BUB1B: variants seen among roughly 807,000 people sequenced by gnomAD.
BUB1B encodes the protein BUB1 mitotic checkpoint serine/threonine kinase B.
Under a neutral mutation model 137.7 loss-of-function variants are expected in BUB1B, and 86 were observed. The observed-to-expected ratio is 0.62, with a 90% CI of 0.52 to 0.75. The LOEUF is 0.75. BUB1B is among the 30% of genes least tolerant of loss of function. BUB1B has a pLI of 0.00. For synonymous variants in BUB1B, 420 were observed against 417.9 expected, an observed-to-expected ratio of 1.00 and a Z score of -0.06; for missense variants, 1,130 against 1,236.9, an observed-to-expected ratio of 0.91 and a Z score of 1.30.
rs2037670746 is a variant in BUB1B at position 40,208,782 on chromosome 15, A to G, written c.2143+12A>G. On this transcript the variant is annotated intron_variant, in intron 16 of 22. Transcript: ENST00000287598. ...TAATGAGACTTCAGGTAGGATATACATACCACTATATCCATGCCTAGTGAA... is the reference window on the plus strand; with the variant it reads ...TAATGAGACTTCAGGTAGGATATACGTACCACTATATCCATGCCTAGTGAA... The G allele has an allele frequency of 6.2e-7, 1 of 1,602,212 alleles. No individual in the cohort carries two copies. The highest frequency in any genetic ancestry group is 8.6e-7 in the Non-Finnish European group (1 of 1,169,510).
intron 4 of BUB1B, among the ~76,000 whole-genome samples, chr15:40,172,549 A>C (rs2037176314): frequency 6.6e-6 from 1 of 152,228 alleles, no homozygotes; most frequent in South Asian, 2.1e-4. Context: ...TTTAATAGTC[A>C]TTAAGTGGAT....
At chr15:40,174,295 C>T (rs1167000091) in intron 4 of BUB1B, among the ~76,000 whole-genome samples, 2 of 152,162 alleles carry the variant, frequency 1.3e-5, no homozygotes, top group Non-Finnish European at 1.5e-5. Context: ...TATGAGAAAA[C>T]ATCACTAATT....
At chr15:40,208,280 A>G (rs1021510100) in intron 15 of BUB1B, among the ~76,000 whole-genome samples, 1 of 152,094 alleles carries the variant, frequency 6.6e-6, no homozygotes, top group Non-Finnish European at 1.5e-5. Context: ...GCTCACGCCT[A>G]TAATCCCAGC....
intron 21 of BUB1B, 110 bp downstream of exon 21, chr15:40,217,777 G>T: frequency 3.0e-6 from 4 of 1,314,772 alleles, no homozygotes; most frequent in South Asian, 1.2e-5. Context: ...TAGAATAGAT[G>T]ACCTAGTTTT....
chr15:40,166,041 T>TG (rs1164496179), intron 2 of BUB1B, among the ~76,000 whole-genome samples: 1 of 152,114 alleles, frequency 6.6e-6, no homozygotes, highest in African/African-American at 2.4e-5. Context: ...TTAGTAGAGA[T>TG]GGGTCCTTGC....
chr15:40,165,220 A>G (rs369800297), intron 2 of BUB1B, 24 bp downstream of exon 2: 19 of 1,613,904 alleles, frequency 1.2e-5, no homozygotes, highest in African/African-American at 5.3e-5. Context: ...CTGAGTCTCA[A>G]CCTGTCGTCA....
intron 4 of BUB1B, chr15:40,174,000 G>T: frequency 2.4e-6 from 1 of 421,316 alleles, no homozygotes; most frequent in Non-Finnish European, 4.6e-6. Context: ...TTTTAGTTTG[G>T]CAATTTAAGG....
chr15:40,181,238 T>G (rs539534930), intron 5 of BUB1B, among the ~76,000 whole-genome samples: 150 of 152,098 alleles, frequency 9.9e-4, no homozygotes, highest in African/African-American at 3.5e-3. Context: ...ATTACAGGCA[T>G]GCGCCACCAT....
At position 40,183,810 on chromosome 15, in the gene BUB1B, A is replaced by G. The variant is rs142284213; in HGVS notation, c.678A>G (p.Thr226=). 24 of 1,614,146 alleles carry G rather than the reference A, an allele frequency of 1.5e-5. No homozygotes were observed. In the African/African-American group the frequency reaches 2.1e-4, roughly 14 times the overall value. ...AGTCTTCTGTACCACAACGAAGCAC[A>G]CTAGCTGAACTAAAGAGCAAAGGGA... ...VFESSVPQRS[T]LAELKSKGKK... Residue 226 remains threonine (T), a synonymous_variant, in exon 6 of 23, where the codon ACA becomes ACG. Coordinates refer to ENST00000287598, the MANE Select transcript of BUB1B (RefSeq NM_001211.6).
chr15:40,193,492 T>TC (rs1370080819), intron 8 of BUB1B, among the ~76,000 whole-genome samples: 7 of 145,382 alleles, frequency 4.8e-5, no homozygotes, highest in South Asian at 2.2e-4. Context: ...TTTTTTTTTT[T>TC]CCCTTAGAGA....
chr15:40,168,703 G>A (rs2037128846), intron 2 of BUB1B, among the ~76,000 whole-genome samples: 1 of 152,130 alleles, frequency 6.6e-6, no homozygotes, highest in Non-Finnish European at 1.5e-5. Flanking sequence ...TACATTTAAA[G>A]CATGTGCTTC....
At chr15:40,195,632 A>G (rs928985229) in intron 8 of BUB1B, among the ~76,000 whole-genome samples, 10 of 152,090 alleles carry the variant, frequency 6.6e-5, no homozygotes, top group Non-Finnish European at 1.0e-4. Flanking sequence ...CACCACATCC[A>G]TGCCAGTGTC....
chr15:40,195,520 A>G (rs2037487157), intron 8 of BUB1B, among the ~76,000 whole-genome samples: 1 of 152,198 alleles, frequency 6.6e-6, no homozygotes, highest in South Asian at 2.1e-4. Flanking sequence ...GCTGGATCAA[A>G]TGGTGGATCT....
At chr15:40,208,838 T>C (rs772851600) in intron 16 of BUB1B, 68 bp downstream of exon 16, 7 of 1,523,752 alleles carry the variant, frequency 4.6e-6, no homozygotes, top group Non-Finnish European at 6.3e-6. Flanking sequence ...CTGAGCTGTA[T>C]GTTTTTCTTT....
chr15:40,190,736 C>G (rs1595523097), intron 8 of BUB1B, among the ~76,000 whole-genome samples: 1 of 152,174 alleles, frequency 6.6e-6, no homozygotes, highest in South Asian at 2.1e-4. Flanking sequence ...GTTACTTGAA[C>G]ACAAGAACTG....
intron 18 of BUB1B, among the ~76,000 whole-genome samples, chr15:40,210,737 T>C (rs2037701073): frequency 6.6e-6 from 1 of 152,182 alleles, no homozygotes; most frequent in Non-Finnish European, 1.5e-5. Flanking sequence ...AATTCATGGC[T>C]CAAGCAGTCC....
At position 40,200,254 on chromosome 15, in the gene BUB1B, C is replaced by T. The variant is rs117485407; in HGVS notation, c.1412C>T (p.Thr471Met). 78 of 1,612,236 alleles carry T rather than the reference C, an allele frequency of 4.8e-5. No homozygotes were observed. In the African/African-American group the frequency reaches 8.1e-4, roughly 17 times the overall value. The change falls in exon 11 of 23, where the codon ACG becomes ATG. Residue 471 changes from threonine to methionine, a missense_variant. By Grantham distance (81) the Thr-to-Met change is moderately conservative. Transcript: ENST00000287598. The stretch of plus-strand genomic sequence containing the variant: ...ATTTAATGCAAACAGCAAGAAGAGA[C>T]GATGCCTACAAAGGAGACAACTAAA... ...QERTGDQQEETMPTKETTKLQ... is the reference protein window; with the variant it reads ...QERTGDQQEEMMPTKETTKLQ...
chr15:40,219,353 A>G (rs1172233808), intron 22 of BUB1B, among the ~76,000 whole-genome samples: 2 of 152,194 alleles, frequency 1.3e-5, no homozygotes, highest in African/African-American at 4.8e-5. Context: ...ACTCTCCTGG[A>G]GAAGAAGTAA....
At chr15:40,194,437 C>T (rs984738115) in intron 8 of BUB1B, among the ~76,000 whole-genome samples, 2 of 152,122 alleles carry the variant, frequency 1.3e-5, no homozygotes, top group African/African-American at 4.8e-5. Context: ...AGCATCTAGC[C>T]TTTTACCATG....
Sources: allele counts gnomAD v4.1 joint callset (sites outside exome capture counted in the v4.1 genomes callset), GRCh38; gene constraint gnomAD v4.1.1; transcripts MANE v1.5; gene names NCBI Gene and HGNC (gene_info 2026-07-23, HGNC 2026-07-21).